Variants in PPP1R42 observed in about 807,000 individuals in gnomAD.
PPP1R42 encodes the protein leucine rich repeat containing 67.
Under a neutral mutation model 31.0 loss-of-function variants are expected in PPP1R42, and 34 were observed. That is an observed-to-expected ratio of 1.10 (90% CI 0.83 to 1.46). PPP1R42 has a LOEUF of 1.46. PPP1R42 is among the 40% of genes most tolerant of loss of function. The pLI, the probability that PPP1R42 is intolerant of heterozygous loss-of-function variation, is 0.00. For synonymous variants in PPP1R42, 103 were observed against 109.8 expected, an observed-to-expected ratio of 0.94 and a Z score of 0.39; for missense variants, 268 against 303.0, an observed-to-expected ratio of 0.88 and a Z score of 0.86.
At chr8:66,984,815 G>A (rs749275046) in intron 6 of PPP1R42, 35 of 1,604,658 alleles carry the variant, frequency 2.2e-5, no homozygotes, top group Non-Finnish European at 3.4e-6. Context: ...GGTTCTGGAG[G>A]AGGCATCAGG....
intron 7 of PPP1R42, among the ~76,000 whole-genome samples, chr8:66,976,449 G>A (rs1193119684): frequency 1.3e-5 from 2 of 152,130 alleles, no homozygotes; most frequent in Admixed American, 1.3e-4. Flanking sequence ...TGCTACAAAG[G>A]TTGGGGACAG....
chr8:66,980,376 G>T (rs1585639829), intron 7 of PPP1R42, among the ~76,000 whole-genome samples: 2 of 152,148 alleles, frequency 1.3e-5, no homozygotes, highest in East Asian at 3.9e-4. Context: ...ACAGGCACAT[G>T]CCACCATGCC....
At chr8:67,015,976 TG>T (rs1483065980) in intron 2 of PPP1R42, among the ~76,000 whole-genome samples, 1 of 152,220 alleles carries the variant, frequency 6.6e-6, no homozygotes, top group Non-Finnish European at 1.5e-5. Flanking sequence ...TCATCCACCC[TG>T]GAGGAGCACT....
chr8:67,024,131 C>T (rs1008037949), intron 1 of PPP1R42, among the ~76,000 whole-genome samples: 4 of 150,562 alleles, frequency 2.7e-5, no homozygotes, highest in African/African-American at 9.8e-5. Flanking sequence ...GGCGACAGAC[C>T]AAGACTCCAT....
At chr8:66,965,703 TTAAGTA>T (rs1208539955) in intron 7 of PPP1R42, among the ~76,000 whole-genome samples, 1 of 152,106 alleles carries the variant, frequency 6.6e-6, no homozygotes, top group East Asian at 1.9e-4. Context: ...GGAGGATTGC[TTAAGTA>T]TAAGAGTTTG....
At chr8:66,964,362 C>A in intron 7 of PPP1R42, 28 bp from the exon 8 acceptor site, 2 of 1,201,338 alleles carry the variant, frequency 1.7e-6, no homozygotes, top group Non-Finnish European at 1.1e-6. Context: ...GAAAAAAAAG[C>A]ATTAAATTAA....
chr8:67,020,214 T>G (rs79141955), intron 1 of PPP1R42, among the ~76,000 whole-genome samples: 8,690 of 152,162 alleles, frequency 0.057, 289 homozygotes, highest in Middle Eastern at 0.092. Flanking sequence ...TGTTGTTGTT[T>G]TTTTTGATAT....
Position 67,017,647 on chromosome 8 carries a change from T to C in PPP1R42, c.101A>G (p.Asn34Ser), listed in dbSNP as rs1466096709. 2 of 1,568,070 alleles carry C rather than the reference T, an allele frequency of 1.3e-6. No individual in the cohort carries two copies. Among genetic ancestry groups the C allele is most frequent in the Non-Finnish European group, 8.6e-7 (1 of 1,157,782 alleles). ...SQCLKKITHI[N>S]FSDKNIDAIE... ...TGCATCTATATTTTTGTCTGAAAAATTTATATGAGTTATTTTCTTCAGGCA... is the reference window on the plus strand; with the variant it reads ...TGCATCTATATTTTTGTCTGAAAAACTTATATGAGTTATTTTCTTCAGGCA... Residue 34 changes from asparagine to serine, a missense_variant, in exon 2 of 8, where the codon AAT (asparagine) becomes AGT (serine). By Grantham distance (46) the Asn-to-Ser change is conservative. Transcript: ENST00000685739.
chr8:66,974,283 A>G (rs565319965), intron 7 of PPP1R42, among the ~76,000 whole-genome samples: 1 of 152,264 alleles, frequency 6.6e-6, no homozygotes, highest in Non-Finnish European at 1.5e-5. Context: ...ATCTGGGCAC[A>G]ATGGCTTATG....
intron 5 of PPP1R42, among the ~76,000 whole-genome samples, chr8:67,006,424 G>A (rs189315564): frequency 1.9e-3 from 289 of 152,256 alleles, no homozygotes; most frequent in African/African-American, 6.7e-3. Flanking sequence ...TTGGGACAAG[G>A]GATCCTGTCC....
At chr8:66,971,134 A>G in intron 7 of PPP1R42, 1 of 1,507,912 alleles carries the variant, frequency 6.6e-7, no homozygotes, top group East Asian at 2.5e-5. Flanking sequence ...CATTGTTTTG[A>G]AGTTACCTGT....
At chr8:66,979,599 C>T (rs1290061786) in intron 7 of PPP1R42, among the ~76,000 whole-genome samples, 2 of 152,116 alleles carry the variant, frequency 1.3e-5, no homozygotes, top group Non-Finnish European at 2.9e-5. Flanking sequence ...GTTTTTATAC[C>T]AGTACCATGG....
chr8:66,970,961 A>G lies in PPP1R42; in HGVS notation c.803-6627T>C, dbSNP rs890620658. 1.1e-5 allele frequency: 17 copies of G among 1,495,312 alleles called. No individual in the cohort carries two copies. In the African/African-American group the frequency reaches 2.4e-4, roughly 21 times the overall value. The allele number at this position is 1,495,312 out of a possible 1,614,324, so 92.6% of individuals were successfully genotyped here. A position where few individuals can be genotyped will look rare whatever the true frequency, so the allele number is the denominator to read the frequency against. On this transcript the variant is annotated intron_variant, in intron 7 of 7. Transcript: ENST00000685739. ...CCCCACCAAAAAGATAAAGTCACAT[A>G]AATATTTGAAAGAACCTACCCCATC... is the stretch of plus-strand genomic sequence containing the variant.
intron 5 of PPP1R42, among the ~76,000 whole-genome samples, chr8:67,004,552 A>C (rs1373415149): frequency 6.6e-6 from 1 of 152,062 alleles, no homozygotes; most frequent in East Asian, 1.9e-4. Context: ...TTGAATATTT[A>C]ATTTCCTCAT....
rs1814948985 is a variant in PPP1R42, at chr8:66,984,654, G to T, written c.671-2474C>A. On this transcript the variant is annotated intron_variant, in intron 6 of 7. Transcript: ENST00000685739. ...GCTTTTAAATTTTCTTGACCTTTCT[G>T]TGTTTTGCTGTGAGTTTTCAGGCAG... 11 of 1,405,078 alleles carry T rather than the reference G, an allele frequency of 7.8e-6. No individual in the cohort carries two copies. In the Admixed American group the frequency reaches 1.9e-4, roughly 24 times the overall value. 87.0% of individuals were successfully genotyped at this position (1,405,078 alleles called of 1,614,324 possible).
chr8:67,014,534 C>A lies in PPP1R42; in HGVS notation c.188G>T (p.Ser63Ile). The change falls in exon 3 of 8, where the codon AGT becomes ATT. Residue 63 changes from serine to isoleucine, a missense_variant. Ser to Ile is a moderately radical substitution (Grantham distance 142). Coordinates refer to ENST00000685739, the MANE Select transcript of PPP1R42 (RefSeq NM_001364910.1). ...SVLYLYDNCI[S>I]QITNLNYATN... The stretch of plus-strand genomic sequence containing the variant: ...GGCATAATTCAGGTTAGTGATTTGA[C>A]TAATACAATTATCATATAAATATAA... The A allele has an allele frequency of 6.4e-7, 1 of 1,556,440 alleles. No homozygotes were observed. Among genetic ancestry groups the A allele is most frequent in the Non-Finnish European group, 8.8e-7 (1 of 1,137,332 alleles).
intron 7 of PPP1R42, 28 bp from the exon 8 acceptor site, chr8:66,964,362 C>G: frequency 1.7e-6 from 2 of 1,201,342 alleles, no homozygotes; most frequent in Non-Finnish European, 2.1e-6. Context: ...GAAAAAAAAG[C>G]ATTAAATTAA....
At chr8:67,020,667 T>A (rs559593895) in intron 1 of PPP1R42, among the ~76,000 whole-genome samples, 13 of 152,354 alleles carry the variant, frequency 8.5e-5, no homozygotes, top group African/African-American at 3.1e-4. Context: ...TTATAGAGTG[T>A]TCTGCACAGT....
chr8:66,981,181 T>C (rs949663526), intron 7 of PPP1R42, among the ~76,000 whole-genome samples: 3 of 151,950 alleles, frequency 2.0e-5, no homozygotes, highest in Non-Finnish European at 4.4e-5. Flanking sequence ...TTAAGATAAC[T>C]GTTACACATT....
Sources: gnomAD v4.1 joint callset for allele counts (sites outside exome capture counted in the v4.1 genomes callset) on GRCh38, gnomAD v4.1.1 for gene constraint, MANE v1.5 for transcripts, NCBI Gene and HGNC (gene_info 2026-07-23, HGNC 2026-07-21) for gene names.